The following SLC35D4 variants were observed in gnomAD, a reference collection of about 807,000 sequenced individuals.
SLC35D4 encodes solute carrier family 35 member D4, also known as UDP-N-acetylglucosamine transporter SLC35D4.
chr18:23,327,566 C>A, the SLC35D4 span, among the ~76,000 whole-genome samples: 11 of 152,212 alleles, frequency 7.2e-5, no homozygotes, highest in Non-Finnish European at 1.5e-4. Flanking sequence ...TAATAGCCTA[C>A]CAACCAAAAA....
the SLC35D4 span, among the ~76,000 whole-genome samples, chr18:23,371,833 C>T: frequency 1.3e-5 from 2 of 152,052 alleles, no homozygotes; most frequent in African/African-American, 2.4e-5. Flanking sequence ...ACTGCTTCCC[C>T]CTACAGCTCA....
At chr18:23,248,542 A>G in the SLC35D4 span, among the ~76,000 whole-genome samples, 1 of 102,402 alleles carries the variant, frequency 9.8e-6, no homozygotes, top group South Asian at 2.7e-4. Flanking sequence ...TTTTTTTAAA[A>G]AAAGGCTGGA....
At chr18:23,424,989 C>T in the SLC35D4 span, among the ~76,000 whole-genome samples, 8 of 152,158 alleles carry the variant, frequency 5.3e-5, no homozygotes, top group African/African-American at 1.9e-4. Flanking sequence ...GGATGGCTTG[C>T]TCTACTACAT....
the SLC35D4 span, among the ~76,000 whole-genome samples, chr18:23,349,931 T>C: frequency 2.0e-5 from 3 of 152,232 alleles, no homozygotes; most frequent in Admixed American, 2.0e-4. Flanking sequence ...CCTTTTGATT[T>C]CTGAATAAAT....
chr18:23,434,524 T>C, the SLC35D4 span, among the ~76,000 whole-genome samples: 1 of 152,214 alleles, frequency 6.6e-6, no homozygotes, highest in Non-Finnish European at 1.5e-5. Context: ...CAGTGGCTTA[T>C]ACCTATAATC....
chr18:23,365,538 G>T, the SLC35D4 span: 1 of 1,452,926 alleles, frequency 6.9e-7, no homozygotes, highest in Non-Finnish European at 9.4e-7. Flanking sequence ...GGGGGGCAAT[G>T]ACATGCTCTT....
the SLC35D4 span, among the ~76,000 whole-genome samples, chr18:23,337,604 T>C: frequency 6.2e-4 from 95 of 152,330 alleles, 3 homozygotes; most frequent in East Asian, 0.017. Context: ...GTCTTGGAGA[T>C]ATTCTAAAAT....
At chr18:23,352,125 T>C in the SLC35D4 span, 1 of 1,387,026 alleles carries the variant, frequency 7.2e-7, no homozygotes, top group South Asian at 1.3e-5. Context: ...CAACTTCACA[T>C]TACCCAGGTT....
chr18:23,338,365 T>C, the SLC35D4 span, among the ~76,000 whole-genome samples: 2 of 152,080 alleles, frequency 1.3e-5, no homozygotes, highest in Non-Finnish European at 2.9e-5. Context: ...ACCCAGGAAA[T>C]CACTGGTTAA....
At chr18:23,433,284 A>C in the SLC35D4 span, among the ~76,000 whole-genome samples, 12 of 152,174 alleles carry the variant, frequency 7.9e-5, no homozygotes, top group Non-Finnish European at 7.4e-5. Flanking sequence ...GGTCTCTCAA[A>C]GTGCTGGGAT....
At chr18:23,360,357 A>T in the SLC35D4 span, among the ~76,000 whole-genome samples, 1 of 152,268 alleles carries the variant, frequency 6.6e-6, no homozygotes, top group Non-Finnish European at 1.5e-5. Context: ...TGTTCAGAGC[A>T]GCCTCAAGCT....
At chr18:23,292,200 G>A in the SLC35D4 span, among the ~76,000 whole-genome samples, 51 of 152,322 alleles carry the variant, frequency 3.3e-4, no homozygotes, top group Middle Eastern at 3.4e-3. Flanking sequence ...AAAGAATGGT[G>A]TCCTCTCCTG....
the SLC35D4 span, among the ~76,000 whole-genome samples, chr18:23,374,668 A>G: frequency 6.6e-6 from 1 of 151,994 alleles, no homozygotes; most frequent in African/African-American, 2.4e-5. Flanking sequence ...CATTTTTAGT[A>G]GAGGTGGGGT....
chr18:23,357,884 G>C, the SLC35D4 span, among the ~76,000 whole-genome samples: 1 of 152,214 alleles, frequency 6.6e-6, no homozygotes, highest in Non-Finnish European at 1.5e-5. Context: ...TGGTTTTCAT[G>C]AAGCCCAACA....
chr18:23,249,851 A>G, the SLC35D4 span, among the ~76,000 whole-genome samples: 16 of 152,218 alleles, frequency 1.1e-4, no homozygotes, highest in African/African-American at 3.6e-4. Flanking sequence ...ATTCAGTACC[A>G]TGAAGGAGAG....
At chr18:23,432,518 T>G in the SLC35D4 span, among the ~76,000 whole-genome samples, 1 of 151,584 alleles carries the variant, frequency 6.6e-6, no homozygotes, top group Non-Finnish European at 1.5e-5. Context: ...CCGTCTCTAC[T>G]AAAAATACAA....
chr18:23,363,548 G>A, the SLC35D4 span, among the ~76,000 whole-genome samples: 1 of 150,880 alleles, frequency 6.6e-6, no homozygotes, highest in Non-Finnish European at 1.5e-5. Flanking sequence ...CTAATTTTTT[G>A]TATTTTTAGT....
the SLC35D4 span, among the ~76,000 whole-genome samples, chr18:23,313,463 T>G: frequency 6.6e-6 from 1 of 151,710 alleles, no homozygotes; most frequent in Non-Finnish European, 1.5e-5. Context: ...CTGGTGTGAG[T>G]GTGTGACAAG....
chr18:23,273,443 G>C, the SLC35D4 span, among the ~76,000 whole-genome samples: 2 of 142,850 alleles, frequency 1.4e-5, no homozygotes, highest in Admixed American at 1.3e-4. Flanking sequence ...GTGAGAGAAG[G>C]GCAAAAAGAG....
Sources: allele counts gnomAD v4.1 joint callset (sites outside exome capture counted in the v4.1 genomes callset), GRCh38; gene constraint gnomAD v4.1.1; transcripts MANE v1.5; gene names NCBI Gene and HGNC (gene_info 2026-07-23, HGNC 2026-07-21).